The following MTREX variants were observed in gnomAD, a reference collection of about 807,000 sequenced individuals.
The protein encoded by MTREX is exosome RNA helicase MTR4.
A neutral mutation model predicts 135.4 loss-of-function variants in MTREX; 76 were observed. That is an observed-to-expected ratio of 0.56 (90% CI 0.47 to 0.68). The LOEUF (loss-of-function observed/expected upper bound fraction) is 0.68. MTREX is among the 30% of genes least tolerant of loss of function. The probability of loss-of-function intolerance (pLI) is 0.00; values close to 1 mark genes in which losing one functional copy is unlikely to be tolerated. For missense variants in MTREX, 920 were observed against 1,262.1 expected (o/e 0.73, Z 4.11); for synonymous variants, 404 against 401.6 (o/e 1.01, Z -0.07).
intron 16 of MTREX, among the ~76,000 whole-genome samples, chr5:55,374,593 A>G (rs911204888): frequency 2.0e-5 from 3 of 152,108 alleles, no homozygotes; most frequent in African/African-American, 7.2e-5. Context: ...CCTAGCCAAA[A>G]AAACACTTGT....
chr5:55,312,962 A>G (rs1038470193), intron 1 of MTREX, among the ~76,000 whole-genome samples: 3 of 152,210 alleles, frequency 2.0e-5, no homozygotes, highest in Admixed American at 6.5e-5. Flanking sequence ...TTTTGTGCTT[A>G]GGGTGCACAA....
At chr5:55,347,956 C>A (rs1479702623) in intron 11 of MTREX, among the ~76,000 whole-genome samples, 1 of 152,136 alleles carries the variant, frequency 6.6e-6, no homozygotes, top group Admixed American at 6.6e-5. Flanking sequence ...GACTTAGTCA[C>A]TGTCACGAGA....
chr5:55,330,942 C>CT (rs919014552), intron 5 of MTREX, among the ~76,000 whole-genome samples: 23 of 150,522 alleles, frequency 1.5e-4, no homozygotes, highest in African/African-American at 4.4e-4. Flanking sequence ...GGTTTATTCA[C>CT]TTTTTTTTTA....
At chr5:55,332,655 T>A (rs1749495912) in intron 5 of MTREX, among the ~76,000 whole-genome samples, 1 of 152,204 alleles carries the variant, frequency 6.6e-6, no homozygotes, top group Non-Finnish European at 1.5e-5. Context: ...AACTTGTCCT[T>A]TTAACTGGGG....
At chr5:55,384,683 G>A (rs549289946) in intron 18 of MTREX, among the ~76,000 whole-genome samples, 8 of 151,984 alleles carry the variant, frequency 5.3e-5, no homozygotes, top group Non-Finnish European at 1.0e-4. Context: ...GTTTAGTGTC[G>A]GGCTGGATTA....
rs1479919442 is a variant in MTREX, at chr5:55,344,561, T to G, written c.946T>G (p.Leu316Val). Residue 316 changes from leucine (L) to valine (V), a missense_variant, in exon 9 of 27, where the codon TTG becomes GTG. Physicochemically the swap from Leu to Val is conservative, Grantham distance 32. Around this residue, in one of 6 missense-constraint regions of MTREX, gnomAD observed 88 missense variants for 202.5 expected, o/e 0.43. Transcript: ENST00000230640. ...TTACACAGATTATCGGCCCACTCCA[T>G]TGCAACACTACATTTTTCCAGCAGG... ...VIYTDYRPTP[L>V]QHYIFPAGGD... 6.2e-7 allele frequency: 1 copy of G among 1,612,388 alleles called. No individual in the cohort carries two copies. The highest frequency in any genetic ancestry group is 8.5e-7 in the Non-Finnish European group (1 of 1,178,820).
At chr5:55,406,363 G>A (rs1750805741) in intron 22 of MTREX, among the ~76,000 whole-genome samples, 3 of 152,154 alleles carry the variant, frequency 2.0e-5, no homozygotes, top group African/African-American at 7.2e-5. Context: ...CTCTGTTAGA[G>A]CTTCTCCATG....
At chr5:55,312,186 A>G (rs1197870327) in intron 1 of MTREX, among the ~76,000 whole-genome samples, 3 of 152,150 alleles carry the variant, frequency 2.0e-5, no homozygotes, top group Non-Finnish European at 4.4e-5. Context: ...ATTACCTGGA[A>G]TCCACCTATT....
At chr5:55,354,889 A>G (rs183192270) in intron 14 of MTREX, among the ~76,000 whole-genome samples, 1 of 152,302 alleles carries the variant, frequency 6.6e-6, no homozygotes, top group East Asian at 1.9e-4. Flanking sequence ...ACAGCAGTCA[A>G]CCAACCGCAC....
At chr5:55,350,611 A>T (rs966851872) in intron 12 of MTREX, among the ~76,000 whole-genome samples, 2 of 152,176 alleles carry the variant, frequency 1.3e-5, no homozygotes, top group African/African-American at 4.8e-5. Flanking sequence ...TATTTTCTAC[A>T]GGCAAAAACT....
At chr5:55,326,803 C>T (rs748679104) in intron 3 of MTREX, among the ~76,000 whole-genome samples, 1 of 152,150 alleles carries the variant, frequency 6.6e-6, no homozygotes, top group East Asian at 1.9e-4. Flanking sequence ...ACCCATCATC[C>T]TGTCAGCCTT....
chr5:55,353,121 T>G (rs1749854153), intron 13 of MTREX, 47 bp from the exon 14 acceptor site: 1 of 1,315,042 alleles, frequency 7.6e-7, no homozygotes, highest in Admixed American at 2.6e-5. Flanking sequence ...AAACCAGATT[T>G]TCAGCTTAAA....
intron 15 of MTREX, among the ~76,000 whole-genome samples, chr5:55,359,656 C>T (rs1749977361): frequency 6.6e-6 from 1 of 152,122 alleles, no homozygotes; most frequent in African/African-American, 2.4e-5. Flanking sequence ...CTCTTTAGTG[C>T]TTCATGAAAG....
chr5:55,368,415 A>T (rs1292202377), intron 16 of MTREX, among the ~76,000 whole-genome samples: 1 of 152,142 alleles, frequency 6.6e-6, no homozygotes, highest in Non-Finnish European at 1.5e-5. Flanking sequence ...GTACCACTGC[A>T]CTTCAGCCTG....
intron 16 of MTREX, among the ~76,000 whole-genome samples, chr5:55,373,294 G>GT (rs1157413944): frequency 2.1e-5 from 3 of 145,736 alleles, no homozygotes; most frequent in African/African-American, 7.8e-5. Context: ...GGCTTTCTTG[G>GT]GTTTTTTTAC....
At chr5:55,368,216 CA>C (rs1750135520) in intron 16 of MTREX, among the ~76,000 whole-genome samples, 2 of 152,046 alleles carry the variant, frequency 1.3e-5, no homozygotes, top group African/African-American at 4.8e-5. Context: ...TTGCGAGGCC[CA>C]GGGGGGCAGA....
intron 5 of MTREX, among the ~76,000 whole-genome samples, chr5:55,335,149 C>G (rs868020297): frequency 6.6e-6 from 1 of 151,960 alleles, no homozygotes; most frequent in Non-Finnish European, 1.5e-5. Context: ...TTATTTCAGT[C>G]TTGCTGATGT....
At chr5:55,376,960 A>G (rs946747890) in intron 16 of MTREX, among the ~76,000 whole-genome samples, 1 of 151,882 alleles carries the variant, frequency 6.6e-6, no homozygotes, top group Non-Finnish European at 1.5e-5. Flanking sequence ...AATCTCAGCT[A>G]CTCAGGAGGC....
In MTREX at chr5:55,422,640, A is replaced by T. The variant is rs111844250; in HGVS notation, c.2972-238A>T. Among the ~76,000 whole-genome samples the T allele has an allele frequency of 5.4e-3, 822 of 152,090 alleles. 3 individuals carry two copies. Among genetic ancestry groups the T allele is most frequent in the African/African-American group, 0.019 (792 of 41,508 alleles). ...TCCTTCTAGGGCATTTTGTTTTCCT[A>T]CTTAATACCAAGTGTCAGCATGTTA... On this transcript the variant is annotated intron_variant, in intron 25 of 26. Coordinates refer to ENST00000230640, the MANE Select transcript of MTREX (RefSeq NM_015360.5).
Sources: allele counts gnomAD v4.1 joint callset (sites outside exome capture counted in the v4.1 genomes callset), GRCh38; gene constraint gnomAD v4.1.1; regional missense constraint gnomAD v4.1.1; transcripts MANE v1.5; gene names NCBI Gene and HGNC (gene_info 2026-07-23, HGNC 2026-07-21).